Variants in PHACTR1 observed in about 807,000 individuals in gnomAD.
PHACTR1 encodes RPEL repeat containing 1.
A neutral mutation model predicts 69.2 loss-of-function variants in PHACTR1; 16 were observed. The ratio of observed to expected loss-of-function variants is 0.23; its 90% CI spans 0.16 to 0.35. The LOEUF (loss-of-function observed/expected upper bound fraction) is 0.35. Ranked by LOEUF, PHACTR1 falls within the 10% of genes least tolerant of loss-of-function variation. The pLI, the probability that PHACTR1 is intolerant of heterozygous loss-of-function variation, is 1.00. For missense variants in PHACTR1, 510 were observed against 734.7 expected, an observed-to-expected ratio of 0.69 and a Z score of 3.54; for synonymous variants, 312 against 284.5, an observed-to-expected ratio of 1.10 and a Z score of -0.97.
At chr6:12,998,963 A>G (rs947586971) in intron 4 of PHACTR1, among the ~76,000 whole-genome samples, 2 of 152,372 alleles carry the variant, frequency 1.3e-5, no homozygotes, top group Non-Finnish European at 2.9e-5. Context: ...GTACCAAGTA[A>G]TGATGAAGTG....
In PHACTR1 at chr6:12,944,539, C is replaced by G. The variant is rs140702418; in HGVS notation, c.251-108826C>G. On this transcript the variant is annotated intron_variant, in intron 4 of 14. Coordinates refer to ENST00000332995, the MANE Select transcript of PHACTR1 (RefSeq NM_030948.6). ...CTTTTAAAAAATAAACTTCCTTATTCTGACTTTACTGAAAGAGTTGGGAAG... is the reference window on the plus strand; with the variant it reads ...CTTTTAAAAAATAAACTTCCTTATTGTGACTTTACTGAAAGAGTTGGGAAG... 8.1e-4 allele frequency among the ~76,000 whole-genome samples: 123 copies of G among 152,268 alleles called. 3 individuals are homozygous for G. In the East Asian group the frequency reaches 0.021, roughly 26 times the overall value.
At chr6:12,793,380 C>T (rs956542400) in intron 4 of PHACTR1, among the ~76,000 whole-genome samples, 2 of 152,144 alleles carry the variant, frequency 1.3e-5, no homozygotes, top group Admixed American at 1.3e-4. Context: ...TGGCAAGGAA[C>T]AAGTCTTAAC....
At chr6:12,789,562 CA>C (rs965841685) in intron 4 of PHACTR1, among the ~76,000 whole-genome samples, 1 of 152,042 alleles carries the variant, frequency 6.6e-6, no homozygotes, top group African/African-American at 2.4e-5. Context: ...ACTCTATACT[CA>C]CACAGCTGAC....
intron 4 of PHACTR1, among the ~76,000 whole-genome samples, chr6:12,872,634 A>G (rs950616860): frequency 2.6e-5 from 4 of 152,210 alleles, no homozygotes; most frequent in Admixed American, 2.0e-4. Flanking sequence ...TTATACGTTA[A>G]TCAATTGTGA....
intron 5 of PHACTR1, among the ~76,000 whole-genome samples, chr6:13,118,909 G>C (rs1818231372): frequency 6.6e-6 from 1 of 152,128 alleles, no homozygotes; most frequent in Admixed American, 6.5e-5. Context: ...GGTGCTCTGA[G>C]CCTCAGTTGC....
chr6:13,120,213 C>T (rs112186692), intron 5 of PHACTR1, among the ~76,000 whole-genome samples: 177 of 152,294 alleles, frequency 1.2e-3, no homozygotes, highest in African/African-American at 4.1e-3. Context: ...CTTTTCCTTT[C>T]CTCCTTCTTC....
intron 8 of PHACTR1, among the ~76,000 whole-genome samples, chr6:13,219,074 A>G (rs1196072182): frequency 6.6e-6 from 1 of 152,190 alleles, no homozygotes; most frequent in Non-Finnish European, 1.5e-5. Flanking sequence ...CCAAGGGAAT[A>G]GAGTACAGCT....
At chr6:13,047,741 C>T (rs1225830331) in intron 4 of PHACTR1, among the ~76,000 whole-genome samples, 1 of 152,158 alleles carries the variant, frequency 6.6e-6, no homozygotes, top group Non-Finnish European at 1.5e-5. Context: ...CACCATGCTT[C>T]CTTCATTCCA....
intron 4 of PHACTR1, among the ~76,000 whole-genome samples, chr6:12,869,929 C>A (rs1198441859): frequency 6.6e-6 from 1 of 152,134 alleles, no homozygotes; most frequent in African/African-American, 2.4e-5. Context: ...CAGGCATTGT[C>A]CCTGGTCCTA....
chr6:12,821,070 T>C (rs2127711927), intron 4 of PHACTR1, among the ~76,000 whole-genome samples: 1 of 152,324 alleles, frequency 6.6e-6, no homozygotes, highest in East Asian at 1.9e-4. Context: ...TACTTGTATT[T>C]GTGTAGGCTA....
At chr6:12,964,542 G>A (rs754658891) in intron 4 of PHACTR1, among the ~76,000 whole-genome samples, 2 of 152,136 alleles carry the variant, frequency 1.3e-5, no homozygotes, top group African/African-American at 2.4e-5. Context: ...TGTACATGAG[G>A]CATGGTGGCC....
chr6:13,204,509 GGCA>G (rs962639905), intron 7 of PHACTR1, among the ~76,000 whole-genome samples: 3 of 152,178 alleles, frequency 2.0e-5, no homozygotes, highest in African/African-American at 7.2e-5. Context: ...TGTGGGGTAT[GGCA>G]GCAGGCTACA....
intron 5 of PHACTR1, among the ~76,000 whole-genome samples, chr6:13,067,196 A>T (rs1808779687): frequency 6.6e-6 from 1 of 152,128 alleles, no homozygotes; most frequent in African/African-American, 2.4e-5. Flanking sequence ...TCCTTGCCTT[A>T]TGGACTTGAA....
chr6:12,807,729 G>A (rs1348106977), intron 4 of PHACTR1, among the ~76,000 whole-genome samples: 1 of 152,136 alleles, frequency 6.6e-6, no homozygotes, highest in Non-Finnish European at 1.5e-5. Flanking sequence ...CTTCCTTTGT[G>A]AACTGAGCAT....
At chr6:12,870,344 G>T (rs1168520829) in intron 4 of PHACTR1, among the ~76,000 whole-genome samples, 2 of 151,858 alleles carry the variant, frequency 1.3e-5, no homozygotes, top group African/African-American at 4.8e-5. Context: ...TCTTTTTTTA[G>T]ACTATTGCTA....
intron 5 of PHACTR1, among the ~76,000 whole-genome samples, chr6:13,058,305 T>G (rs913683043): frequency 6.6e-6 from 1 of 152,228 alleles, no homozygotes; most frequent in Non-Finnish European, 1.5e-5. Flanking sequence ...CACCGAGTTA[T>G]GCTTTTATTT....
chr6:13,240,430 TTG>T (rs1182818472), intron 10 of PHACTR1, among the ~76,000 whole-genome samples: 1 of 145,076 alleles, frequency 6.9e-6, no homozygotes, highest in African/African-American at 2.9e-5. Flanking sequence ...TTTTTTTTTG[TTG>T]TTGTTTTTTT....
At chr6:13,274,251 C>T (rs1184869553) in intron 11 of PHACTR1, 4 of 152,208 alleles carry the variant, frequency 2.6e-5, no homozygotes, top group Admixed American at 2.0e-4. Context: ...CTTCCTCAGT[C>T]GTGGGGGAAC....
intron 5 of PHACTR1, among the ~76,000 whole-genome samples, chr6:13,056,148 T>C (rs1806748315): frequency 6.6e-6 from 1 of 152,196 alleles, no homozygotes; most frequent in Non-Finnish European, 1.5e-5. Flanking sequence ...TAGCTCACTC[T>C]TGCAATCGCA....
Sources: allele counts gnomAD v4.1 joint callset (sites outside exome capture counted in the v4.1 genomes callset), GRCh38; gene constraint gnomAD v4.1.1; transcripts MANE v1.5; gene names NCBI Gene and HGNC (gene_info 2026-07-23, HGNC 2026-07-21).